ATG10: variants seen among roughly 807,000 people sequenced by gnomAD.
ATG10 encodes autophagy related 10, also known as ubiquitin-like-conjugating enzyme ATG10.
Under a neutral mutation model 32.1 loss-of-function variants are expected in ATG10, and 30 were observed. The ratio of observed to expected loss-of-function variants is 0.94; its 90% CI spans 0.70 to 1.27. ATG10 has a LOEUF of 1.27. ATG10 is among the 50% of genes most tolerant of loss of function. ATG10 has a pLI of 0.00. For missense variants in ATG10, 233 were observed against 262.3 expected (o/e 0.89, Z 0.77); for synonymous variants, 87 against 91.5 (o/e 0.95, Z 0.28).
intron 3 of ATG10, among the ~76,000 whole-genome samples, chr5:82,143,552 T>C (rs1767232184): frequency 6.6e-6 from 1 of 152,252 alleles, no homozygotes; most frequent in Non-Finnish European, 1.5e-5. Flanking sequence ...GATAGATTTA[T>C]GACAGTAGCT....
chr5:82,139,415 G>A (rs957434473), intron 3 of ATG10, among the ~76,000 whole-genome samples: 3 of 145,438 alleles, frequency 2.1e-5, no homozygotes, highest in African/African-American at 5.1e-5. Context: ...CTTCCCAGCC[G>A]CCATCACATC....
intron 3 of ATG10, among the ~76,000 whole-genome samples, chr5:82,162,511 A>T (rs1465374719): frequency 6.6e-6 from 1 of 152,190 alleles, no homozygotes; most frequent in African/African-American, 2.4e-5. Flanking sequence ...TAAAATGCTC[A>T]TATCCTTTGA....
chr5:82,229,288 GAA>G (rs1367173453), intron 5 of ATG10, among the ~76,000 whole-genome samples: 17 of 152,188 alleles, frequency 1.1e-4, no homozygotes, highest in Non-Finnish European at 2.5e-4. Flanking sequence ...AGACAGGAAA[GAA>G]TAAATGAGCC....
intron 2 of ATG10, among the ~76,000 whole-genome samples, chr5:82,054,841 G>A (rs1224135424): frequency 3.3e-5 from 5 of 152,126 alleles, no homozygotes; most frequent in Non-Finnish European, 7.4e-5. Context: ...ATGATCTAGT[G>A]GGAGAAATAA....
chr5:82,009,526 G>C, intron 2 of ATG10: 1 of 1,289,704 alleles, frequency 7.8e-7, no homozygotes, highest in Non-Finnish European at 1.1e-6. Flanking sequence ...GCGAGCAAAT[G>C]GGATGGAGGG....
rs71000885 is a variant in ATG10, at chr5:82,131,641, CTT to C, written c.217-32745_217-32744del. Among the ~76,000 whole-genome samples, 515 of 146,346 alleles carry C rather than the reference CTT, an allele frequency of 3.5e-3. 2 individuals carry two copies. The highest frequency in any genetic ancestry group is 8.8e-3 in the African/African-American group (353 of 39,992). ...GAAAAATATATGTAGTTTTATTCTA[CTT>C]TTTTTTTTTTTTGATCACTTTCTAG... On this transcript the variant is annotated intron_variant, in intron 3 of 7. Coordinates refer to ENST00000282185, the MANE Select transcript of ATG10 (RefSeq NM_031482.5).
chr5:82,051,737 G>A (rs151015498), intron 2 of ATG10, among the ~76,000 whole-genome samples: 19 of 152,240 alleles, frequency 1.2e-4, no homozygotes, highest in Non-Finnish European at 2.4e-4. Context: ...GGGAGGAGTC[G>A]TATTAACACA....
intron 3 of ATG10, among the ~76,000 whole-genome samples, chr5:82,135,352 G>T (rs997297220): frequency 2.6e-5 from 4 of 152,162 alleles, no homozygotes; most frequent in Admixed American, 6.5e-5. Flanking sequence ...GCTTTCTTCT[G>T]TGGGCATTTT....
chr5:82,030,276 A>G (rs1762709698), intron 2 of ATG10, among the ~76,000 whole-genome samples: 1 of 152,140 alleles, frequency 6.6e-6, no homozygotes, highest in Non-Finnish European at 1.5e-5. Flanking sequence ...TCATCTATGT[A>G]GCTGTGCTTA....
chr5:82,129,645 C>G (rs1194630186), intron 3 of ATG10, among the ~76,000 whole-genome samples: 1 of 152,126 alleles, frequency 6.6e-6, no homozygotes, highest in Non-Finnish European at 1.5e-5. Context: ...CCACTCAAAC[C>G]CTGTTTGCCT....
At chr5:82,083,337 T>C (rs1473283066) in intron 3 of ATG10, among the ~76,000 whole-genome samples, 1 of 152,132 alleles carries the variant, frequency 6.6e-6, no homozygotes, top group Non-Finnish European at 1.5e-5. Context: ...GCCGGGAAGC[T>C]CGAACTGGGT....
At chr5:82,112,184 C>T (rs914676698) in intron 3 of ATG10, among the ~76,000 whole-genome samples, 2 of 151,862 alleles carry the variant, frequency 1.3e-5, no homozygotes, top group Non-Finnish European at 2.9e-5. Context: ...ATCATTTCTT[C>T]CTTTATAAGT....
intron 5 of ATG10, among the ~76,000 whole-genome samples, chr5:82,207,969 T>A (rs1258938752): frequency 1.5e-4 from 23 of 152,238 alleles, no homozygotes; most frequent in Admixed American, 1.4e-3. Context: ...TTATTTAGAT[T>A]ATATCTATGA....
At chr5:81,993,373 CTTTTCTTTTCTTTTCTTTTT>C (rs1561244216) in intron 2 of ATG10, among the ~76,000 whole-genome samples, 22 of 36,078 alleles carry the variant, frequency 6.1e-4, no homozygotes, top group Admixed American at 1.1e-3. Context: ...CTTTTCTTTT[CTTTTCTTTTCTTTTCTTTTT>C]TTTTCTTTTC....
intron 2 of ATG10, among the ~76,000 whole-genome samples, chr5:82,050,541 A>G (rs1271937739): frequency 6.6e-6 from 1 of 152,108 alleles, no homozygotes; most frequent in African/African-American, 2.4e-5. Flanking sequence ...ATTTGAACCT[A>G]ATAAAAGTAT....
intron 2 of ATG10, among the ~76,000 whole-genome samples, chr5:82,037,024 G>A (rs1011346366): frequency 5.4e-5 from 8 of 148,270 alleles, no homozygotes; most frequent in South Asian, 2.2e-4. Flanking sequence ...CCAGCTGCTT[G>A]GGAGGCTGAG....
At chr5:82,221,774 G>A (rs1299430631) in intron 5 of ATG10, among the ~76,000 whole-genome samples, 1 of 152,186 alleles carries the variant, frequency 6.6e-6, no homozygotes, top group Non-Finnish European at 1.5e-5. Flanking sequence ...GCAACCAAAT[G>A]CTACTTTCAG....
rs6884232 is a variant in ATG10, at chr5:82,254,224, G to A, written c.*161G>A. Reference sequence around the variant, plus strand: ...TGGACACAAATGTCTACAGCAACTGGTGTTTGATAGGCTGAATGTTTAGAA... The same window carrying A: ...TGGACACAAATGTCTACAGCAACTGATGTTTGATAGGCTGAATGTTTAGAA... On this transcript the variant is annotated 3_prime_UTR_variant, in exon 8 of 8. Transcript: ENST00000282185. 122,893 of 152,086 alleles carry A rather than the reference G, an allele frequency of 0.81. 50,007 individuals are homozygous for A. The highest frequency in any genetic ancestry group is 0.99 in the East Asian group (5,106 of 5,168). The allele number at this position is 152,086 out of a possible 1,614,324, so 9.4% of individuals were successfully genotyped here.
chr5:82,089,019 C>T (rs909302655), intron 3 of ATG10, among the ~76,000 whole-genome samples: 1 of 151,992 alleles, frequency 6.6e-6, no homozygotes, highest in African/African-American at 2.4e-5. Flanking sequence ...ATTAGTTTAC[C>T]TGATTCCAAG....
Sources: allele counts gnomAD v4.1 joint callset (sites outside exome capture counted in the v4.1 genomes callset), GRCh38; gene constraint gnomAD v4.1.1; transcripts MANE v1.5; gene names NCBI Gene and HGNC (gene_info 2026-07-23, HGNC 2026-07-21).